NALF1: variants seen among roughly 807,000 people sequenced by gnomAD.
The protein encoded by NALF1 is NALCN channel auxiliary factor 1, also known as family with sequence similarity 155 member A.
A neutral mutation model predicts 48.4 loss-of-function variants in NALF1; 3 were observed. The observed-to-expected ratio is 0.06, with a 90% CI of 0.03 to 0.16. The LOEUF (loss-of-function observed/expected upper bound fraction) is 0.16, where lower values mean the gene tolerates loss of function less well. Among genes scored for constraint, NALF1 ranks in the 10% least tolerant of loss-of-function variants. The probability of loss-of-function intolerance (pLI) is 1.00; values close to 1 mark genes in which losing one functional copy is unlikely to be tolerated. For missense variants in NALF1, 526 were observed against 571.5 expected (o/e 0.92, Z 0.81); for synonymous variants, 262 against 245.7 (o/e 1.07, Z -0.62).
At chr13:107,643,635 A>C (rs1433379483) in intron 1 of NALF1, among the ~76,000 whole-genome samples, 2 of 152,042 alleles carry the variant, frequency 1.3e-5, no homozygotes, top group East Asian at 3.9e-4. Flanking sequence ...TATTAGAAAA[A>C]TAAGCAATTT....
Position 107,720,082 on chromosome 13 carries a change from C to A in NALF1, c.915+145600G>T, listed in dbSNP as rs537086298. ...ACCTCCATGGAGCCTCTCCTGCCCA[C>A]GTGCAACTAGACAATACTTTATTCC... On this transcript the variant is annotated intron_variant, in intron 1 of 2. Transcript: ENST00000375915. 2.1e-4 allele frequency among the ~76,000 whole-genome samples: 32 copies of A among 152,338 alleles called. 1 individual carries two copies. Among genetic ancestry groups the A allele is most frequent in the Non-Finnish European group, 1.3e-4 (9 of 68,042 alleles).
chr13:107,684,178 G>T (rs564788802), intron 1 of NALF1, among the ~76,000 whole-genome samples: 2 of 152,140 alleles, frequency 1.3e-5, no homozygotes, highest in South Asian at 2.1e-4. Context: ...TCCAGCACCC[G>T]CAGGAAGATT....
At chr13:107,322,410 T>C (rs182493223) in intron 1 of NALF1, among the ~76,000 whole-genome samples, 5,463 of 152,286 alleles carry the variant, frequency 0.036, 359 homozygotes, top group African/African-American at 0.12. Context: ...ATTCTCGTGA[T>C]GACTTATTAT....
intron 1 of NALF1, among the ~76,000 whole-genome samples, chr13:107,608,827 G>A (rs914950829): frequency 6.6e-6 from 1 of 152,170 alleles, no homozygotes; most frequent in Admixed American, 6.5e-5. Flanking sequence ...GACCCAGCCC[G>A]CAGAGATGGA....
chr13:107,472,057 C>T (rs896149133), intron 1 of NALF1, among the ~76,000 whole-genome samples: 3 of 152,132 alleles, frequency 2.0e-5, no homozygotes, highest in East Asian at 3.9e-4. Flanking sequence ...TATAGCCAGG[C>T]GCATTGGCTC....
At chr13:107,792,082 G>A (rs183089047) in intron 1 of NALF1, among the ~76,000 whole-genome samples, 2 of 152,256 alleles carry the variant, frequency 1.3e-5, no homozygotes, top group African/African-American at 2.4e-5. Context: ...ATTTTAAAAT[G>A]TTGTCCCACT....
chr13:107,381,057 T>G (rs1883429603), intron 1 of NALF1, among the ~76,000 whole-genome samples: 1 of 149,072 alleles, frequency 6.7e-6, no homozygotes, highest in African/African-American at 2.5e-5. Flanking sequence ...AAATAAAAAG[T>G]AAATATTCAT....
At chr13:107,409,334 GA>G (rs1210359220) in intron 1 of NALF1, among the ~76,000 whole-genome samples, 1 of 152,140 alleles carries the variant, frequency 6.6e-6, no homozygotes, top group Non-Finnish European at 1.5e-5. Flanking sequence ...GTCTTGGGAA[GA>G]AATTAATCAG....
chr13:107,296,019 A>G (rs1881718193), intron 1 of NALF1, among the ~76,000 whole-genome samples: 1 of 152,242 alleles, frequency 6.6e-6, no homozygotes, highest in South Asian at 2.1e-4. Context: ...AAAATTGTTC[A>G]GCAAGATGTG....
chr13:107,809,031 T>G (rs1878903848), intron 1 of NALF1, among the ~76,000 whole-genome samples: 1 of 152,060 alleles, frequency 6.6e-6, no homozygotes, highest in Non-Finnish European at 1.5e-5. Context: ...AACCTATGAC[T>G]AAAGAAGAAA....
At position 107,723,683 on chromosome 13, in the gene NALF1, T is replaced by C. The variant is rs369025951; in HGVS notation, c.915+141999A>G. 2.0e-5 allele frequency among the ~76,000 whole-genome samples: 3 copies of C among 152,188 alleles called. No homozygotes were observed. In the East Asian group the frequency reaches 5.8e-4, roughly 29 times the overall value. ...TGAGGGCAATAGGGCCCGATAAACTTTCTTAACGACCTCTTACAGCGCACA... is the reference window on the plus strand; with the variant it reads ...TGAGGGCAATAGGGCCCGATAAACTCTCTTAACGACCTCTTACAGCGCACA... On this transcript the variant is annotated intron_variant, in intron 1 of 2. Coordinates refer to ENST00000375915, the MANE Select transcript of NALF1 (RefSeq NM_001080396.3).
chr13:107,552,839 A>G (rs1192284575), intron 1 of NALF1, among the ~76,000 whole-genome samples: 1 of 152,158 alleles, frequency 6.6e-6, no homozygotes, highest in African/African-American at 2.4e-5. Context: ...TAGGAAGTAA[A>G]AGATGTGTGC....
intron 1 of NALF1, among the ~76,000 whole-genome samples, chr13:107,408,915 T>C (rs1883944642): frequency 6.6e-6 from 1 of 152,196 alleles, no homozygotes; most frequent in South Asian, 2.1e-4. Flanking sequence ...TAAATCCTGT[T>C]CATATTAAAA....
At chr13:107,350,706 G>A (rs1882858141) in intron 1 of NALF1, among the ~76,000 whole-genome samples, 1 of 152,160 alleles carries the variant, frequency 6.6e-6, no homozygotes, top group African/African-American at 2.4e-5. Flanking sequence ...CCTTACTAGA[G>A]GTATTATTTT....
Position 107,170,469 on chromosome 13 carries a change from T to G in NALF1, c.*28A>C. On this transcript the variant is annotated 3_prime_UTR_variant, in exon 3 of 3. Transcript: ENST00000375915. ...TTGCCATTTTTCACGGCGGGCCAGC[T>G]GCTGCTGTGGTGACACTCGTCCTTC... 6.4e-7 allele frequency: 1 copy of G among 1,557,778 alleles called. No individual in the cohort carries two copies. Among genetic ancestry groups the G allele is most frequent in the Non-Finnish European group, 8.7e-7 (1 of 1,151,546 alleles).
intron 1 of NALF1, among the ~76,000 whole-genome samples, chr13:107,269,119 C>A (rs1881102242): frequency 6.6e-6 from 1 of 150,802 alleles, no homozygotes; most frequent in African/African-American, 2.4e-5. Context: ...GCTATGATCA[C>A]ACACTGCACT....
At chr13:107,413,449 C>T (rs1237357132) in intron 1 of NALF1, among the ~76,000 whole-genome samples, 1 of 151,678 alleles carries the variant, frequency 6.6e-6, no homozygotes, top group African/African-American at 2.4e-5. Context: ...ATGCTGAAAA[C>T]TCGTCAATTT....
At chr13:107,564,841 C>T (rs1373942057) in intron 1 of NALF1, among the ~76,000 whole-genome samples, 13 of 152,014 alleles carry the variant, frequency 8.6e-5, no homozygotes, top group African/African-American at 2.9e-4. Flanking sequence ...CTTCACCCTC[C>T]GGTCTAAGAG....
chr13:107,797,130 T>C (rs1356035437), intron 1 of NALF1, among the ~76,000 whole-genome samples: 1 of 152,208 alleles, frequency 6.6e-6, no homozygotes, highest in Non-Finnish European at 1.5e-5. Flanking sequence ...CTTGCTCCCT[T>C]GACTCTGACA....
Sources: gnomAD v4.1 joint callset for allele counts (sites outside exome capture counted in the v4.1 genomes callset) on GRCh38, gnomAD v4.1.1 for gene constraint, MANE v1.5 for transcripts, NCBI Gene and HGNC (gene_info 2026-07-23, HGNC 2026-07-21) for gene names.